The following PAM variants were observed in gnomAD, a reference collection of about 807,000 sequenced individuals.
The protein encoded by PAM is peptidyl-glycine alpha-amidating monooxygenase.
Under a neutral mutation model 122.1 loss-of-function variants are expected in PAM, and 72 were observed. The ratio of observed to expected loss-of-function variants is 0.59; its 90% CI spans 0.49 to 0.72. The LOEUF is 0.72. Among genes scored for constraint, PAM ranks in the 30% least tolerant of loss-of-function variants. The pLI is 0.00. For missense variants in PAM, 1,106 were observed against 1,183.7 expected (o/e 0.93, Z 0.96); for synonymous variants, 389 against 404.4 (o/e 0.96, Z 0.46).
intron 3 of PAM, among the ~76,000 whole-genome samples, chr5:102,897,398 C>A (rs77417360): frequency 6.6e-6 from 1 of 151,614 alleles, no homozygotes; most frequent in African/African-American, 2.4e-5. Flanking sequence ...ACTCCTATTG[C>A]ATATATTTAT....
intron 2 of PAM, chr5:102,866,644 TAGAC>T (rs1231223732): frequency 8.7e-5 from 19 of 217,852 alleles, no homozygotes; most frequent in African/African-American, 3.0e-4. Flanking sequence ...AAGCAGATCA[TAGAC>T]TGTAATAGCT....
At chr5:103,005,929 TTGTTGC>T (rs1214294811) in intron 18 of PAM, among the ~76,000 whole-genome samples, 1 of 145,404 alleles carries the variant, frequency 6.9e-6, no homozygotes, top group Non-Finnish European at 1.5e-5. Flanking sequence ...GTTGTTGTTG[TTGTTGC>T]TGTTGTTGTT....
intron 1 of PAM, among the ~76,000 whole-genome samples, chr5:102,858,946 G>A (rs536143152): frequency 2.0e-5 from 3 of 152,094 alleles, no homozygotes; most frequent in Non-Finnish European, 4.4e-5. Context: ...TAGTAACATC[G>A]TAGTCATCAT....
At chr5:102,885,572 A>G (rs906264852) in intron 3 of PAM, among the ~76,000 whole-genome samples, 2 of 151,966 alleles carry the variant, frequency 1.3e-5, no homozygotes, top group Admixed American at 1.3e-4. Flanking sequence ...CAAGTTTAGA[A>G]GTTAACAAAT....
intron 7 of PAM, among the ~76,000 whole-genome samples, chr5:102,928,661 C>A (rs1750436581): frequency 6.6e-6 from 1 of 151,954 alleles, no homozygotes; most frequent in African/African-American, 2.4e-5. Context: ...CTCACTAAAA[C>A]AATGAGATAT....
intron 12 of PAM, among the ~76,000 whole-genome samples, chr5:102,953,307 T>C (rs1759572401): frequency 6.6e-6 from 1 of 152,122 alleles, no homozygotes; most frequent in Non-Finnish European, 1.5e-5. Flanking sequence ...ACCACCTGAG[T>C]GTCCATAAAT....
At position 103,006,988 on chromosome 5, in the gene PAM, A is replaced by G. The variant is rs144048598; in HGVS notation, c.1991A>G (p.Lys664Arg). Residue 664 changes from lysine to arginine, a missense_variant, in exon 19 of 26, where the codon AAG (lysine) becomes AGG (arginine). This residue lies in a region of PAM where 103 missense variants were observed against 157.9 expected (regional missense o/e 0.65). Transcript: ENST00000438793. ...ATTGTGCAGTTTTCACCAAGTGGAA[A>G]GTTCATCACACAGTGGGGAGAAGGT... The part of the protein sequence containing the change: ...SRIVQFSPSG[K>R]FITQWGEESS... 7.7e-5 allele frequency: 125 copies of G among 1,613,278 alleles called. 1 individual carries two copies. Among genetic ancestry groups the G allele is most frequent in the Non-Finnish European group, 1.0e-4 (122 of 1,179,488 alleles).
At chr5:102,865,119 C>CT (rs1219614075) in intron 1 of PAM, 2 of 148,346 alleles carry the variant, frequency 1.3e-5, no homozygotes, top group Non-Finnish European at 2.9e-5. Flanking sequence ...GAAGGCATGC[C>CT]TTATGAGTAC....
At chr5:102,862,600 G>C (rs73192721) in intron 1 of PAM, among the ~76,000 whole-genome samples, 7 of 152,056 alleles carry the variant, frequency 4.6e-5, no homozygotes, top group Admixed American at 1.3e-4. Flanking sequence ...GAGTGGGAAC[G>C]TTATCTGTCT....
At chr5:102,969,130 C>T (rs754747931) in intron 14 of PAM, among the ~76,000 whole-genome samples, 4 of 151,926 alleles carry the variant, frequency 2.6e-5, no homozygotes, top group Non-Finnish European at 5.9e-5. Flanking sequence ...GGAGGAATAC[C>T]TAATGTAGAT....
At chr5:102,863,001 T>TTAA (rs1554089984) in intron 1 of PAM, among the ~76,000 whole-genome samples, 1 of 146,274 alleles carries the variant, frequency 6.8e-6, no homozygotes, top group African/African-American at 2.7e-5. Flanking sequence ...TTTTTTTTTT[T>TTAA]AAAAAAAAAT....
In PAM at chr5:102,793,674, T is replaced by C. The variant is rs563270751; in HGVS notation, c.-374+38326T>C. The stretch of plus-strand genomic sequence containing the variant: ...TTCAAAGCTCAGACAAGCAGCAATA[T>C]AGAAATATCCCTGGTCATTTAAGAA... On this transcript the variant is annotated intron_variant, in intron 1 of 25. Transcript: ENST00000438793. Among the ~76,000 whole-genome samples, 8 of 152,326 alleles carry C rather than the reference T, an allele frequency of 5.3e-5. No homozygotes were observed. The South Asian group carries it at 1.2e-3, about 24-fold the overall frequency.
chr5:102,835,740 A>G (rs2150498827), intron 1 of PAM, among the ~76,000 whole-genome samples: 1 of 152,268 alleles, frequency 6.6e-6, no homozygotes, highest in East Asian at 1.9e-4. Context: ...GATAGCATTG[A>G]ATACAATGAA....
intron 11 of PAM, among the ~76,000 whole-genome samples, 157 bp downstream of exon 11, chr5:102,950,135 C>T (rs1164012722): frequency 6.6e-6 from 1 of 152,032 alleles, no homozygotes; most frequent in East Asian, 1.9e-4. Flanking sequence ...TTGCAACTTC[C>T]AATTTGTTGC....
intron 7 of PAM, among the ~76,000 whole-genome samples, chr5:102,941,533 T>G (rs1755220807): frequency 6.6e-6 from 1 of 152,160 alleles, no homozygotes; most frequent in Admixed American, 6.5e-5. Context: ...CCAATTTCAC[T>G]TATATTTTGC....
At chr5:102,812,557 T>C (rs994429124) in intron 1 of PAM, among the ~76,000 whole-genome samples, 1 of 152,172 alleles carries the variant, frequency 6.6e-6, no homozygotes, top group African/African-American at 2.4e-5. Flanking sequence ...AAAAACTAAA[T>C]AGTACCTTAG....
chr5:102,840,082 A>G (rs1778185576), intron 1 of PAM, among the ~76,000 whole-genome samples: 1 of 152,192 alleles, frequency 6.6e-6, no homozygotes, highest in African/African-American at 2.4e-5. Context: ...AATTAAAATT[A>G]ATATGCTTAT....
At position 103,025,116 on chromosome 5, in the gene PAM, C is replaced by T; in HGVS notation, c.2486-15C>T. On this transcript the variant is annotated splice_polypyrimidine_tract_variant and intron_variant, in intron 23 of 25. Coordinates refer to ENST00000438793, the MANE Select transcript of PAM (RefSeq NM_001177306.2). ...TTGAGTCAGTTGAATATTGTGAACT[C>T]TTCTTTCCCTGAAGAAGCCGAGGCA... 4 of 1,597,608 alleles carry T rather than the reference C, an allele frequency of 2.5e-6. No homozygotes were observed. The highest frequency in any genetic ancestry group is 3.4e-6 in the Non-Finnish European group (4 of 1,165,358).
In PAM at chr5:103,003,105, A is replaced by G. The variant is rs1320668407; in HGVS notation, c.1686A>G (p.Ile562Met). 8 of 1,602,734 alleles carry G rather than the reference A, an allele frequency of 5.0e-6. No individual in the cohort carries two copies. Among genetic ancestry groups the G allele is most frequent in the Non-Finnish European group, 6.8e-6 (8 of 1,169,838 alleles). ...GPIEEDTILV[I>M]DPNNAAVLQS... ...TTGAAGAAGACACTATTCTTGTCAT[A>G]GATCCAAATAATGCTGCAGTACTCC... The change falls in exon 17 of 26, where the codon ATA becomes ATG. Residue 562 changes from isoleucine (I) to methionine (M), a missense_variant. Around this residue, in one of 3 missense-constraint regions of PAM, gnomAD observed 670 missense variants for 690.3 expected, o/e 0.97. Transcript: ENST00000438793.
Sources: gnomAD v4.1 joint callset for allele counts (sites outside exome capture counted in the v4.1 genomes callset) on GRCh38, gnomAD v4.1.1 for gene constraint, gnomAD v4.1.1 regional missense constraint, MANE v1.5 for transcripts, NCBI Gene and HGNC (gene_info 2026-07-23, HGNC 2026-07-21) for gene names.